The following YAP1 variants were observed in gnomAD, a reference collection of about 807,000 sequenced individuals.
YAP1 encodes Yes1 associated transcriptional regulator.
YAP1 carries 5 observed loss-of-function variants against 56.9 expected under a neutral mutation model. The ratio of observed to expected loss-of-function variants is 0.09; its 90% confidence interval spans 0.05 to 0.18. The LOEUF (loss-of-function observed/expected upper bound fraction) is 0.18. Among genes scored for constraint, YAP1 ranks in the 10% least tolerant of loss-of-function variants. The pLI is 1.00. For missense variants in YAP1, 539 were observed against 651.8 expected (o/e 0.83, Z 1.88); for synonymous variants, 265 against 248.1 (o/e 1.07, Z -0.64).
At chr11:102,116,313 T>TA (rs1474237507) in intron 2 of YAP1, among the ~76,000 whole-genome samples, 1 of 152,160 alleles carries the variant, frequency 6.6e-6, no homozygotes, top group African/African-American at 2.4e-5. Context: ...TATGGGAGAA[T>TA]ATGTATAGGT....
chr11:102,224,890 A>G (rs1376861893), intron 7 of YAP1, among the ~76,000 whole-genome samples: 2 of 152,226 alleles, frequency 1.3e-5, no homozygotes, highest in Non-Finnish European at 2.9e-5. Context: ...TTTCATATCC[A>G]TGTAATTCCA....
intron 2 of YAP1, among the ~76,000 whole-genome samples, chr11:102,140,461 C>T (rs964126620): frequency 6.6e-6 from 1 of 151,952 alleles, no homozygotes; most frequent in African/African-American, 2.4e-5. Context: ...CCCCCCATGC[C>T]AACAAAACTA....
intron 2 of YAP1, among the ~76,000 whole-genome samples, chr11:102,148,518 G>T (rs759298753): frequency 8.5e-5 from 13 of 152,172 alleles, no homozygotes; most frequent in Non-Finnish European, 1.2e-4. Context: ...CACACTGATG[G>T]TTTTTGGATG....
intron 3 of YAP1, among the ~76,000 whole-genome samples, chr11:102,176,692 G>C (rs1198357398): frequency 7.6e-6 from 1 of 130,782 alleles, no homozygotes; most frequent in Non-Finnish European, 1.6e-5. Context: ...GTTGCAGTGA[G>C]CTGAGATCAC....
At chr11:102,135,317 A>G (rs183297046) in intron 2 of YAP1, among the ~76,000 whole-genome samples, 10 of 152,334 alleles carry the variant, frequency 6.6e-5, no homozygotes, top group African/African-American at 1.9e-4. Context: ...ATTTTATTGT[A>G]TCTTACAAAT....
chr11:102,118,015 A>G (rs1324556210), intron 2 of YAP1, among the ~76,000 whole-genome samples: 1 of 152,154 alleles, frequency 6.6e-6, no homozygotes, highest in African/African-American at 2.4e-5. Context: ...TCTGGTTTCA[A>G]GGAGTGTTTT....
At chr11:102,133,752 G>A (rs1944509826) in intron 2 of YAP1, among the ~76,000 whole-genome samples, 1 of 152,178 alleles carries the variant, frequency 6.6e-6, no homozygotes, top group South Asian at 2.1e-4. Context: ...GCCACATGGA[G>A]GTCATTTACG....
At chr11:102,211,322 T>A (rs998243725) in intron 6 of YAP1, among the ~76,000 whole-genome samples, 1 of 152,202 alleles carries the variant, frequency 6.6e-6, no homozygotes, top group Non-Finnish European at 1.5e-5. Context: ...TTTTTTAAAA[T>A]AGTAAAGTTT....
chr11:102,227,025 A>T (rs1016693245), intron 7 of YAP1: 10 of 160,084 alleles, frequency 6.2e-5, no homozygotes, highest in South Asian at 1.8e-4. Flanking sequence ...GCCCACCTGG[A>T]GTTTGTGTTG....
chr11:102,217,665 A>G (rs1374466275), intron 6 of YAP1, among the ~76,000 whole-genome samples: 2 of 152,142 alleles, frequency 1.3e-5, no homozygotes, highest in Admixed American at 1.3e-4. Flanking sequence ...GGGAGGTGAG[A>G]AGTAGTGGGA....
At chr11:102,119,354 AAG>A (rs1356980695) in intron 2 of YAP1, among the ~76,000 whole-genome samples, 2 of 152,164 alleles carry the variant, frequency 1.3e-5, no homozygotes, top group African/African-American at 4.8e-5. Flanking sequence ...AGTGTGAACT[AAG>A]AAAGAAGTTC....
At chr11:102,201,771 C>T (rs1948872769) in intron 4 of YAP1, among the ~76,000 whole-genome samples, 1 of 152,014 alleles carries the variant, frequency 6.6e-6, no homozygotes, top group African/African-American at 2.4e-5. Flanking sequence ...TATGCATTTT[C>T]TGAAGGAGAG....
chr11:102,142,653 C>A (rs1178909704), intron 2 of YAP1, among the ~76,000 whole-genome samples: 2 of 152,218 alleles, frequency 1.3e-5, no homozygotes, highest in African/African-American at 4.8e-5. Context: ...TCAAGTACAA[C>A]TCAGAAGTTT....
intron 6 of YAP1, among the ~76,000 whole-genome samples, chr11:102,209,876 T>C (rs1353154485): frequency 6.6e-6 from 1 of 152,236 alleles, no homozygotes; most frequent in African/African-American, 2.4e-5. Flanking sequence ...AATTTTTATT[T>C]GAATAGCTTA....
intron 4 of YAP1, among the ~76,000 whole-genome samples, chr11:102,188,673 G>A (rs561769122): frequency 2.6e-5 from 4 of 152,154 alleles, no homozygotes; most frequent in Non-Finnish European, 5.9e-5. Context: ...AGCTTGGGGC[G>A]ATAGGCTATA....
At chr11:102,144,897 C>A (rs1396989162) in intron 2 of YAP1, among the ~76,000 whole-genome samples, 1 of 152,034 alleles carries the variant, frequency 6.6e-6, no homozygotes, top group East Asian at 1.9e-4. Flanking sequence ...CTCATGCTCA[C>A]ACACTCATGC....
chr11:102,136,864 G>A (rs1266958313), intron 2 of YAP1, among the ~76,000 whole-genome samples: 4 of 152,042 alleles, frequency 2.6e-5, no homozygotes, highest in African/African-American at 4.8e-5. Context: ...GTTGTCTGTC[G>A]CTGTGTCAGT....
chr11:102,150,800 TG>T (rs1945595076), intron 2 of YAP1, among the ~76,000 whole-genome samples: 2 of 128,114 alleles, frequency 1.6e-5, no homozygotes, highest in African/African-American at 2.7e-5. Flanking sequence ...TACATACAAA[TG>T]GTTTTTTTTT....
intron 3 of YAP1, among the ~76,000 whole-genome samples, chr11:102,183,812 C>CA (rs1947782409): frequency 6.6e-6 from 1 of 151,834 alleles, no homozygotes; most frequent in Admixed American, 6.6e-5. Flanking sequence ...CGCGGTGGCT[C>CA]ACGCCTGTAA....
Sources: gnomAD v4.1 joint callset for allele counts (sites outside exome capture counted in the v4.1 genomes callset) on GRCh38, gnomAD v4.1.1 for gene constraint, MANE v1.5 for transcripts, NCBI Gene and HGNC (gene_info 2026-07-23, HGNC 2026-07-21) for gene names.